Variants in CILP2 observed in about 807,000 individuals in gnomAD.
CILP2 encodes CILP-2.
CILP2 carries 38 observed loss-of-function variants against 45.6 expected under a neutral mutation model. The ratio of observed to expected loss-of-function variants is 0.83; its 90% CI spans 0.64 to 1.09. The LOEUF (loss-of-function observed/expected upper bound fraction) is 1.09, where lower values mean the gene tolerates loss of function less well. Among genes scored for constraint, CILP2 ranks in the 50% least tolerant of loss-of-function variants. The probability of loss-of-function intolerance (pLI) is 0.00; values close to 1 mark genes in which losing one functional copy is unlikely to be tolerated. For synonymous variants in CILP2, 780 were observed against 723.5 expected, an observed-to-expected ratio of 1.08 and a Z score of -1.25; for missense variants, 1,735 against 1,662.2, an observed-to-expected ratio of 1.04 and a Z score of -0.76.
At chr19:19,539,936 T>A (rs2061237557) in intron 2 of CILP2, among the ~76,000 whole-genome samples, 159 bp downstream of exon 2, 1 of 152,008 alleles carries the variant, frequency 6.6e-6, no homozygotes, top group Non-Finnish European at 1.5e-5. Context: ...ATGCCCCAAG[T>A]TCAAGATCTA....
chr19:19,544,945 C>G lies in CILP2; in HGVS notation c.2400C>G (p.Asp800Glu). The change falls in exon 8 of 8, where the codon GAC becomes GAG. Residue 800 changes from aspartate (D) to glutamate (E), a missense_variant. Transcript: ENST00000291495. Reference protein sequence around the residue: ...GACLPAFCDADRPDAYTALVT... With the variant: ...GACLPAFCDAERPDAYTALVT... ...GCCTCCCCGCCTTCTGCGACGCCGA[C>G]AGGCCAGACGCCTACACCGCCCTGG... 6.3e-7 allele frequency: 1 copy of G among 1,594,668 alleles called. No homozygotes were observed. Among genetic ancestry groups the G allele is most frequent in the Non-Finnish European group, 8.5e-7 (1 of 1,177,432 alleles).
intron 3 of CILP2, 41 bp from the exon 4 acceptor site, chr19:19,541,050 G>A (rs1388777188): frequency 3.2e-6 from 4 of 1,243,494 alleles, no homozygotes; most frequent in Non-Finnish European, 4.0e-6. Flanking sequence ...CGCAGTTCCT[G>A]GGGAGGGCGG....
At chr19:19,540,064 C>T in intron 2 of CILP2, 140 bp from the exon 3 acceptor site, 1 of 1,208,806 alleles carries the variant, frequency 8.3e-7, no homozygotes, top group Non-Finnish European at 1.1e-6. Context: ...CTGTTTCAGG[C>T]CGCTGGCTCG....
rs758074794 is a variant in CILP2, at chr19:19,544,782, A to G, written c.2237A>G (p.Asn746Ser). 1.9e-6 allele frequency: 3 copies of G among 1,606,688 alleles called. No individual in the cohort carries two copies. Among genetic ancestry groups the G allele is most frequent in the Admixed American group, 1.7e-5 (1 of 59,974 alleles). ...RCFVKVRAYA[N>S]DKFTPSEQVE... is the part of the protein sequence containing the mutation. ...TTCGTGAAGGTGCGCGCCTACGCCA[A>G]CGACAAGTTCACCCCCAGCGAGCAG... Residue 746 changes from asparagine (N) to serine (S), a missense_variant, in exon 8 of 8, where the codon AAC becomes AGC. By Grantham distance (46) the Asn-to-Ser change is conservative (BLOSUM62 1). Coordinates refer to ENST00000291495, the MANE Select transcript of CILP2 (RefSeq NM_153221.2).
At chr19:19,540,110 G>C (rs367559795) in intron 2 of CILP2, 94 bp from the exon 3 acceptor site, 43 of 1,393,572 alleles carry the variant, frequency 3.1e-5, no homozygotes, top group Non-Finnish European at 3.8e-5. Context: ...GTGCCCACCG[G>C]GGGAGGGGGC....
intron 2 of CILP2, 120 bp from the exon 3 acceptor site, chr19:19,540,084 C>T: frequency 7.6e-7 from 1 of 1,323,830 alleles, no homozygotes; most frequent in Non-Finnish European, 9.9e-7. Flanking sequence ...GGGTCGTGGG[C>T]GCGCTCGGCT....
rs202123010 is a variant in CILP2, at chr19:19,543,669, C to G, written c.1136-12C>G. ...CTCCCTGCCCTGACCTGCATGTTTT[C>G]TTTGTCCCCAGCCCCAGGCCAGCCA... On this transcript the variant is annotated splice_polypyrimidine_tract_variant and intron_variant, in intron 7 of 7. Coordinates refer to ENST00000291495, the MANE Select transcript of CILP2 (RefSeq NM_153221.2). 3.8e-4 allele frequency: 605 copies of G among 1,578,692 alleles called. 1 individual carries two copies. Among genetic ancestry groups the G allele is most frequent in the Non-Finnish European group, 4.9e-4 (569 of 1,160,500 alleles).
chr19:19,540,402 T>G lies in CILP2; in HGVS notation c.362T>G (p.Phe121Cys). ...ERVHLNPTRG[F>C]WCLNREQPRG... ...GTGCACTTGAACCCCACGCGCGGCT[T>G]CTGGTGCCTCAACCGCGAGCAACCG... Residue 121 changes from phenylalanine to cysteine, a missense_variant, in exon 3 of 8, where the codon TTC becomes TGC. Phe to Cys is a radical substitution (Grantham distance 205). Transcript: ENST00000291495. 5 of 1,516,984 alleles carry G rather than the reference T, an allele frequency of 3.3e-6. No homozygotes were observed. The highest frequency in any genetic ancestry group is 4.4e-6 in the Non-Finnish European group (5 of 1,136,222). The allele number at this position is 1,516,984 out of a possible 1,614,324, so 94.0% of individuals were successfully genotyped here.
chr19:19,538,882 A>C (rs529065985), intron 1 of CILP2, among the ~76,000 whole-genome samples: 114 of 152,362 alleles, frequency 7.5e-4, no homozygotes, highest in African/African-American at 2.5e-3. Flanking sequence ...TATCTTGGAC[A>C]GCTCCTATCT....
At chr19:19,543,495 T>G (rs1214075322) in intron 7 of CILP2, 90 bp downstream of exon 7, 1 of 1,501,422 alleles carries the variant, frequency 6.7e-7, no homozygotes, top group African/African-American at 1.4e-5. Flanking sequence ...GAGCCCCCAC[T>G]TCAGACTGAT....
chr19:19,543,796 C>T lies in CILP2; in HGVS notation c.1251C>T (p.Asp417=). ...PAYLDVGLCP[D]TRCPSLAGSS... ...ACCTGGATGTGGGCCTCTGTCCCGA[C>T]ACCCGCTGCCCCAGCCTGGCAGGCT... is the stretch of plus-strand genomic sequence containing the variant. The change falls in exon 8 of 8, where the codon GAC becomes GAT. Residue 417 remains aspartate, a synonymous_variant. Coordinates refer to ENST00000291495, the MANE Select transcript of CILP2 (RefSeq NM_153221.2). The T allele has an allele frequency of 1.2e-6, 2 of 1,613,900 alleles. No homozygotes were observed. The highest frequency in any genetic ancestry group is 1.3e-5 in the African/African-American group (1 of 75,056).
Position 19,545,649 on chromosome 19 carries a change from C to T in CILP2, c.3104C>T (p.Pro1035Leu), listed in dbSNP as rs748313867. 1 of 1,609,270 alleles carries T rather than the reference C, an allele frequency of 6.2e-7. No homozygotes were observed. Among genetic ancestry groups the T allele is most frequent in the Non-Finnish European group, 8.5e-7 (1 of 1,177,956 alleles). ...CTTCGGGATTACCTGACCCGGCACC[C>T]CCCACCGGTGCCCGCGGAGGACCCA... The part of the protein sequence containing the change: ...GLLRDYLTRH[P>L]PPVPAEDPAA... Residue 1035 changes from proline to leucine, a missense_variant, in exon 8 of 8, where the codon CCC becomes CTC. Coordinates refer to ENST00000291495, the MANE Select transcript of CILP2 (RefSeq NM_153221.2).
At chr19:19,541,291 G>A (rs762760872) in intron 4 of CILP2, 45 bp downstream of exon 4, 16 of 1,263,368 alleles carry the variant, frequency 1.3e-5, no homozygotes, top group Admixed American at 7.4e-5. Flanking sequence ...ACAGAGGGGA[G>A]GAAGGGGAGG....
rs765689990 is a variant in CILP2, at chr19:19,542,547, C to G, written c.765C>G (p.Ser255Arg). 5.6e-6 allele frequency: 9 copies of G among 1,613,908 alleles called. No individual in the cohort carries two copies. Among genetic ancestry groups the G allele is most frequent in the Non-Finnish European group, 7.6e-6 (9 of 1,180,036 alleles). Residue 255 changes from serine to arginine, a missense_variant, in exon 5 of 8, where the codon AGC (serine) becomes AGG (arginine). Transcript: ENST00000291495. ...GGGTGCCTGGTGTCTGTGCTGACAG[C>G]CGCGCCAACATCAGGGCCCAGATGG... ...TFRVPGVCAD[S>R]RANIRAQMDG...
At position 19,546,081 on chromosome 19, in the gene CILP2, C is replaced by T; in HGVS notation, c.*65C>T. 14 of 1,311,686 alleles carry T rather than the reference C, an allele frequency of 1.1e-5. No homozygotes were observed. Among genetic ancestry groups the T allele is most frequent in the South Asian group, 2.0e-5 (1 of 50,502 alleles). The allele number at this position is 1,311,686 out of a possible 1,614,324, so 81.3% of individuals were successfully genotyped here. On this transcript the variant is annotated 3_prime_UTR_variant, in exon 8 of 8. Coordinates refer to ENST00000291495, the MANE Select transcript of CILP2 (RefSeq NM_153221.2). The stretch of plus-strand genomic sequence containing the variant: ...CCTTTGACCCCAGGAAGTTTTGCCC[C>T]TCCTTCTTCTCCAGACAGCCCCCTC...
chr19:19,540,265 G>A lies in CILP2; in HGVS notation c.225G>A (p.Glu75=), dbSNP rs370426077. ...ACCCCGGAGGCGACGGCGACTTCGA[G>A]AGCCTGGCTGCCATCCGCTTCTACT... ...VDHPGGDGDF[E]SLAAIRFYYG... The change falls in exon 3 of 8, where the codon GAG becomes GAA. Residue 75 remains glutamate (E), a synonymous_variant. Coordinates refer to ENST00000291495, the MANE Select transcript of CILP2 (RefSeq NM_153221.2). 2.5e-5 allele frequency: 40 copies of A among 1,602,672 alleles called. No homozygotes were observed. The highest frequency in any genetic ancestry group is 3.3e-5 in the Non-Finnish European group (39 of 1,177,484).
At chr19:19,543,577 C>G in intron 7 of CILP2, 104 bp from the exon 8 acceptor site, 2 of 1,376,078 alleles carry the variant, frequency 1.5e-6, no homozygotes. Flanking sequence ...CTGGGCAGAC[C>G]CCTGTCCCTT....
chr19:19,544,784 G>C lies in CILP2; in HGVS notation c.2239G>C (p.Asp747His), dbSNP rs868499698. 1 of 1,606,426 alleles carries C rather than the reference G, an allele frequency of 6.2e-7. No homozygotes were observed. Among genetic ancestry groups the C allele is most frequent in the Non-Finnish European group, 8.5e-7 (1 of 1,179,630 alleles). ...CFVKVRAYAN[D>H]KFTPSEQVEG... ...CGTGAAGGTGCGCGCCTACGCCAAC[G>C]ACAAGTTCACCCCCAGCGAGCAGGT... The change falls in exon 8 of 8, where the codon GAC becomes CAC. Residue 747 changes from aspartate (D) to histidine (H), a missense_variant. By Grantham distance (81) the Asp-to-His change is moderately conservative. Coordinates refer to ENST00000291495, the MANE Select transcript of CILP2 (RefSeq NM_153221.2).
chr19:19,540,071 C>T (rs982560773), intron 2 of CILP2, 133 bp from the exon 3 acceptor site: 2 of 1,262,996 alleles, frequency 1.6e-6, no homozygotes, highest in Non-Finnish European at 2.1e-6. Context: ...AGGCCGCTGG[C>T]TCGGGTCGTG....
Sources: gnomAD v4.1 joint callset for allele counts (sites outside exome capture counted in the v4.1 genomes callset) on GRCh38, gnomAD v4.1.1 for gene constraint, MANE v1.5 for transcripts, NCBI Gene and HGNC (gene_info 2026-07-23, HGNC 2026-07-21) for gene names.